The following TSPAN9 variants were observed in gnomAD, a reference collection of about 807,000 sequenced individuals.
TSPAN9 encodes tetraspanin 9.
Under a neutral mutation model 31.0 loss-of-function variants are expected in TSPAN9, and 16 were observed. That is an observed-to-expected ratio of 0.52 (90% CI 0.35 to 0.78). TSPAN9 has a LOEUF of 0.78. Among genes scored for constraint, TSPAN9 ranks in the 30% least tolerant of loss-of-function variants. The probability of loss-of-function intolerance (pLI) is 0.01; values close to 1 mark genes in which losing one functional copy is unlikely to be tolerated. For synonymous variants in TSPAN9, 145 were observed against 121.6 expected, an observed-to-expected ratio of 1.19 and a Z score of -1.27; for missense variants, 272 against 312.5, an observed-to-expected ratio of 0.87 and a Z score of 0.98.
rs117167431 is a variant in TSPAN9, at chr12:3,108,530, C to T, written c.-18+24811C>T. ...TAGTGTTCTGCTGTGTCACACATGACGTGATTTAGTGTGGCTCGACTTTCA... is the reference window on the plus strand; with the variant it reads ...TAGTGTTCTGCTGTGTCACACATGATGTGATTTAGTGTGGCTCGACTTTCA... On this transcript the variant is annotated intron_variant, in intron 2 of 8. Coordinates refer to ENST00000011898, the MANE Select transcript of TSPAN9 (RefSeq NM_006675.5). Among the ~76,000 whole-genome samples the T allele has an allele frequency of 2.8e-4, 42 of 152,264 alleles. No individual in the cohort carries two copies. In the East Asian group the frequency reaches 6.6e-3, roughly 24 times the overall value.
intron 2 of TSPAN9, among the ~76,000 whole-genome samples, chr12:3,099,467 TTATC>T (rs2098310799): frequency 6.6e-6 from 1 of 152,380 alleles, no homozygotes. Context: ...TATTTCATCT[TTATC>T]TACTAGTTTC....
intron 3 of TSPAN9, among the ~76,000 whole-genome samples, chr12:3,266,733 G>A (rs12422683): frequency 0.39 from 58,728 of 152,082 alleles, 13,552 homozygotes; most frequent in South Asian, 0.59. Context: ...GAGCCATCCC[G>A]TGTCCCCCAT....
At chr12:3,092,792 G>T (rs2098305531) in intron 2 of TSPAN9, among the ~76,000 whole-genome samples, 1 of 152,210 alleles carries the variant, frequency 6.6e-6, no homozygotes. Context: ...TGGACTCCCT[G>T]GGCGCTGAGG....
chr12:3,089,439 G>A (rs964612102), intron 2 of TSPAN9, among the ~76,000 whole-genome samples: 5 of 150,926 alleles, frequency 3.3e-5, no homozygotes, highest in Admixed American at 1.3e-4. Context: ...TGGGATTACA[G>A]GCATGTGCCA....
chr12:3,169,972 A>G (rs2098350837), intron 2 of TSPAN9, among the ~76,000 whole-genome samples: 1 of 135,200 alleles, frequency 7.4e-6, no homozygotes, highest in Non-Finnish European at 1.6e-5. Flanking sequence ...AGCATGGGGA[A>G]GGAAAGAGCC....
At chr12:3,207,641 C>A (rs189238702) in intron 3 of TSPAN9, among the ~76,000 whole-genome samples, 1 of 152,316 alleles carries the variant, frequency 6.6e-6, no homozygotes, top group African/African-American at 2.4e-5. Context: ...CTCTCCTGTG[C>A]GCCCCAGCAA....
At chr12:3,112,177 CTT>C (rs138645701) in intron 2 of TSPAN9, among the ~76,000 whole-genome samples, 50 of 115,552 alleles carry the variant, frequency 4.3e-4, no homozygotes, top group Middle Eastern at 4.5e-3. Flanking sequence ...TGTAATGTTC[CTT>C]TTTTTTTTTT....
intron 2 of TSPAN9, among the ~76,000 whole-genome samples, chr12:3,198,698 C>T (rs866238435): frequency 1.7e-4 from 8 of 48,456 alleles, no homozygotes; most frequent in Admixed American, 3.9e-4. Context: ...CAGGTCACCA[C>T]CAGCACAGGC....
intron 2 of TSPAN9, among the ~76,000 whole-genome samples, chr12:3,102,324 T>G (rs770547192): frequency 2.6e-5 from 4 of 151,886 alleles, no homozygotes; most frequent in Admixed American, 6.6e-5. Context: ...GGCGGAGTCT[T>G]GCTATTTTGC....
At chr12:3,152,298 C>A (rs952302303) in intron 2 of TSPAN9, among the ~76,000 whole-genome samples, 1 of 152,212 alleles carries the variant, frequency 6.6e-6, no homozygotes, top group Non-Finnish European at 1.5e-5. Context: ...ATCCTGGCAC[C>A]CAGCTCCTCC....
At chr12:3,230,521 C>T (rs138005028) in intron 3 of TSPAN9, among the ~76,000 whole-genome samples, 6 of 152,188 alleles carry the variant, frequency 3.9e-5, no homozygotes, top group South Asian at 2.1e-4. Flanking sequence ...TGGAACTGAA[C>T]GTCCCTAGAA....
At chr12:3,193,454 T>C (rs919055835) in intron 2 of TSPAN9, among the ~76,000 whole-genome samples, 5 of 152,162 alleles carry the variant, frequency 3.3e-5, no homozygotes, top group Non-Finnish European at 5.9e-5. Context: ...AGCTAACTGA[T>C]CTTTCCGAAG....
Position 3,278,572 on chromosome 12 carries a change from G to T in TSPAN9, c.215G>T (p.Cys72Phe). ...TIVMVTGFLG[C>F]LGAIKENKCL... ...GTCATGGTGACGGGCTTCCTCGGCT[G>T]CCTGGGGGCCATCAAGGAAAACAAG... The change falls in exon 4 of 9, where the codon TGC becomes TTC. Residue 72 changes from cysteine (C) to phenylalanine (F), a missense_variant. Transcript: ENST00000011898. The T allele has an allele frequency of 1.2e-6, 2 of 1,614,150 alleles. No individual in the cohort carries two copies. The highest frequency in any genetic ancestry group is 1.3e-5 in the African/African-American group (1 of 75,060).
intron 3 of TSPAN9, among the ~76,000 whole-genome samples, chr12:3,247,356 G>C (rs981451337): frequency 2.8e-5 from 4 of 142,856 alleles, no homozygotes; most frequent in African/African-American, 1.0e-4. Flanking sequence ...TCGCCAGATG[G>C]TTGGAGTGTA....
At chr12:3,191,948 A>T (rs187986193) in intron 2 of TSPAN9, among the ~76,000 whole-genome samples, 1 of 152,314 alleles carries the variant, frequency 6.6e-6, no homozygotes, top group East Asian at 1.9e-4. Context: ...AAACTAGAAT[A>T]GACCTTCTTC....
intron 3 of TSPAN9, among the ~76,000 whole-genome samples, chr12:3,277,841 G>A (rs1020541152): frequency 2.6e-5 from 4 of 152,164 alleles, no homozygotes; most frequent in Admixed American, 1.3e-4. Context: ...CCAGCCAGCC[G>A]ATGACTGCCT....
chr12:3,160,700 T>C (rs540187697), intron 2 of TSPAN9, among the ~76,000 whole-genome samples: 7 of 152,254 alleles, frequency 4.6e-5, no homozygotes, highest in Admixed American at 2.0e-4. Context: ...TCCCTAGTGA[T>C]GAATGATGTT....
intron 3 of TSPAN9, among the ~76,000 whole-genome samples, chr12:3,210,132 T>TAA (rs1388890270): frequency 3.8e-5 from 1 of 26,102 alleles, no homozygotes; most frequent in African/African-American, 5.8e-5. Flanking sequence ...AGACTCCGTC[T>TAA]CAAAAAAAAA....
At chr12:3,144,608 C>T (rs930183462) in intron 2 of TSPAN9, among the ~76,000 whole-genome samples, 1 of 152,222 alleles carries the variant, frequency 6.6e-6, no homozygotes, top group East Asian at 1.9e-4. Context: ...ACCGCGAGAC[C>T]GTAAATCCCT....
Sources: allele counts gnomAD v4.1 joint callset (sites outside exome capture counted in the v4.1 genomes callset), GRCh38; gene constraint gnomAD v4.1.1; transcripts MANE v1.5; gene names NCBI Gene and HGNC (gene_info 2026-07-23, HGNC 2026-07-21).